EDN3: variants seen among roughly 807,000 people sequenced by gnomAD.
EDN3 encodes the protein endothelin-3.
Under a neutral mutation model 21.4 loss-of-function variants are expected in EDN3, and 9 were observed. The ratio of observed to expected loss-of-function variants is 0.42; its 90% CI spans 0.25 to 0.73. The LOEUF is 0.73. Ranked by LOEUF, EDN3 falls within the 30% of genes least tolerant of loss-of-function variation. The pLI, the probability that EDN3 is intolerant of heterozygous loss-of-function variation, is 0.26. For missense variants in EDN3, 327 were observed against 309.4 expected (o/e 1.06, Z -0.43); for synonymous variants, 133 against 126.2 (o/e 1.05, Z -0.36).
rs149214 is a variant in EDN3 at position 59,301,185 on chromosome 20, G to T, written c.53-225G>T. Among the ~76,000 whole-genome samples the T allele has an allele frequency of 0.14, 20,920 of 152,290 alleles. 1,988 individuals are homozygous for T. The highest frequency in any genetic ancestry group is 0.26 in the African/African-American group (10,883 of 41,530). ...GCTGTGCCAAACCCTGGCAAAGTTT[G>T]CAGAAAGTATGCAAAATGCATGCAA... On this transcript the variant is annotated intron_variant, in intron 1 of 4. Transcript: ENST00000337938.
chr20:59,317,517 T>C (rs947639679), intron 2 of EDN3, among the ~76,000 whole-genome samples: 3 of 152,222 alleles, frequency 2.0e-5, no homozygotes, highest in Non-Finnish European at 2.9e-5. Flanking sequence ...GAGGGTGAAG[T>C]GATCATCATG....
chr20:59,324,216 C>G, intron 4 of EDN3, 115 bp from the exon 5 acceptor site: 1 of 1,338,212 alleles, frequency 7.5e-7, no homozygotes, highest in Non-Finnish European at 1.1e-6. Flanking sequence ...AATCAGGGAA[C>G]AGGCTGGAGA....
chr20:59,301,352 G>A, intron 1 of EDN3, 58 bp from the exon 2 acceptor site: 3 of 1,581,764 alleles, frequency 1.9e-6, no homozygotes, highest in Non-Finnish European at 2.6e-6. Context: ...TTTGGGGGTG[G>A]CGGGTGTTGA....
intron 2 of EDN3, among the ~76,000 whole-genome samples, chr20:59,304,730 G>A (rs981998299): frequency 2.6e-5 from 4 of 152,072 alleles, no homozygotes; most frequent in African/African-American, 9.7e-5. Flanking sequence ...TCTAGTTCAG[G>A]CTCAAGAGAC....
chr20:59,314,188 T>C (rs1990028206), intron 2 of EDN3, among the ~76,000 whole-genome samples: 2 of 152,194 alleles, frequency 1.3e-5, no homozygotes, highest in South Asian at 4.1e-4. Flanking sequence ...GGGAAAGGAC[T>C]CCAGCCAGCT....
chr20:59,301,481 T>G lies in EDN3; in HGVS notation c.124T>G (p.Ser42Ala). The change falls in exon 2 of 5, where the codon TCT becomes GCT. Residue 42 changes from serine (S) to alanine (A), a missense_variant. Physicochemically the swap from Ser to Ala is moderately conservative, Grantham distance 99. Coordinates refer to ENST00000337938, the MANE Select transcript of EDN3 (RefSeq NM_207034.3). ...GTCCCAGGCCCCCACTGCAGCCAGA[T>G]CTGAGGGGGACTGTGAAGAGACTGT... Reference protein sequence around the residue: ...GVSQAPTAARSEGDCEETVAG... With the variant: ...GVSQAPTAARAEGDCEETVAG... 1.9e-6 allele frequency: 3 copies of G among 1,613,242 alleles called. No individual in the cohort carries two copies. Among genetic ancestry groups the G allele is most frequent in the Non-Finnish European group, 2.5e-6 (3 of 1,179,852 alleles).
At position 59,324,376 on chromosome 20, in the gene EDN3, C is replaced by A; in HGVS notation, c.634C>A (p.His212Asn). Residue 212 changes from histidine (H) to asparagine (N), a missense_variant, in exon 5 of 5, where the codon CAT (histidine) becomes AAT (asparagine). His to Asn is a moderately conservative substitution (Grantham distance 68). Coordinates refer to ENST00000337938, the MANE Select transcript of EDN3 (RefSeq NM_207034.3). ...QQSKQALDLH[H>N]PKLMPGSGLA... ...AAGCAAGCAGGCTTTAGACCTCCAC[C>A]ATCCAAAGCTCATGCCCGGCAGTGG... 6.2e-7 allele frequency: 1 copy of A among 1,614,134 alleles called. No individual in the cohort carries two copies. The highest frequency in any genetic ancestry group is 1.1e-5 in the South Asian group (1 of 91,066).
chr20:59,303,360 T>G (rs996012393), intron 2 of EDN3, among the ~76,000 whole-genome samples: 3 of 152,204 alleles, frequency 2.0e-5, no homozygotes, highest in African/African-American at 7.2e-5. Flanking sequence ...CACCTTTCCT[T>G]GTAGCCCCTG....
At chr20:59,316,959 C>A (rs760673710) in intron 2 of EDN3, among the ~76,000 whole-genome samples, 5 of 152,180 alleles carry the variant, frequency 3.3e-5, no homozygotes, top group Non-Finnish European at 5.9e-5. Context: ...TGTTTTATAA[C>A]TGAGACATGA....
At chr20:59,309,229 G>T (rs1033150568) in intron 2 of EDN3, among the ~76,000 whole-genome samples, 3 of 152,198 alleles carry the variant, frequency 2.0e-5, no homozygotes, top group Non-Finnish European at 4.4e-5. Context: ...GGTGATTAGG[G>T]TCTCAGTTCA....
At chr20:59,313,692 G>T (rs986564137) in intron 2 of EDN3, among the ~76,000 whole-genome samples, 1 of 152,166 alleles carries the variant, frequency 6.6e-6, no homozygotes, top group African/African-American at 2.4e-5. Context: ...GTCTGCCTTG[G>T]GTCCTCCCAA....
At chr20:59,318,749 T>C (rs1336338702) in intron 2 of EDN3, among the ~76,000 whole-genome samples, 2 of 152,240 alleles carry the variant, frequency 1.3e-5, no homozygotes, top group African/African-American at 4.8e-5. Flanking sequence ...ACAAATACCA[T>C]GTTGCCTTGT....
At position 59,318,562 on chromosome 20, in the gene EDN3, C is replaced by T. The variant is rs545119822; in HGVS notation, c.366-2455C>T. On this transcript the variant is annotated intron_variant, in intron 2 of 4. Transcript: ENST00000337938. ...GCCGTCAGCTTCCCTCACCTCCGCA[C>T]GGGTCGGTCAGCAGACTGCACACCC... is the stretch of plus-strand genomic sequence containing the variant. Among the ~76,000 whole-genome samples, 15 of 152,274 alleles carry T rather than the reference C, an allele frequency of 9.9e-5. No homozygotes were observed. The East Asian group carries it at 2.1e-3, about 22-fold the overall frequency.
rs573681306 is a variant in EDN3 at position 59,300,621 on chromosome 20, G to C, written c.-192G>C. On this transcript the variant is annotated 5_prime_UTR_variant, in exon 1 of 5. An upstream start codon of the reference 5' UTR is lost. Coordinates refer to ENST00000337938, the MANE Select transcript of EDN3 (RefSeq NM_207034.3). ...CAGCCGGCCAGCTCCGCGCAGGGAT[G>C]GGCAGCGCGCTCTGAAAGTTTATGA... is the stretch of plus-strand genomic sequence containing the variant. 3.3e-6 allele frequency: 2 copies of C among 612,984 alleles called. No individual in the cohort carries two copies. The highest frequency in any genetic ancestry group is 5.7e-5 in the East Asian group (2 of 35,346). The allele number at this position is 612,984 out of a possible 1,614,324, so 38.0% of individuals were successfully genotyped here. A position where few individuals can be genotyped will look rare whatever the true frequency, so the allele number is the denominator to read the frequency against.
rs1990620754 is a variant in EDN3, at chr20:59,322,604, G to A, written c.588+187G>A. 8.6e-6 allele frequency: 7 copies of A among 818,514 alleles called. No individual in the cohort carries two copies. The highest frequency in any genetic ancestry group is 8.2e-5 in the Admixed American group (4 of 48,900). The allele number at this position is 818,514 out of a possible 1,614,324, so 50.7% of individuals were successfully genotyped here. A position where few individuals can be genotyped will look rare whatever the true frequency, so the allele number is the denominator to read the frequency against. On this transcript the variant is annotated intron_variant, in intron 4 of 4. Transcript: ENST00000337938. This position sits in a 1 kb window ranked among gnomAD's most constrained non-coding sequence, Gnocchi z 4.1. ...GGTGGACCGTTTCTGGGGGCAGAGC[G>A]GGCTGAAGCTGTGGACAGCTGCTGT... is the stretch of plus-strand genomic sequence containing the variant.
chr20:59,322,461 G>A lies in EDN3; in HGVS notation c.588+44G>A. 1.9e-6 allele frequency: 3 copies of A among 1,613,624 alleles called. No individual in the cohort carries two copies. The highest frequency in any genetic ancestry group is 2.5e-6 in the Non-Finnish European group (3 of 1,179,496). ...GGCCTGTGTCAAAGGAGGTGAAGAT[G>A]TGACGTGTCATTCCTTCGGGGGTGG... is the stretch of plus-strand genomic sequence containing the variant. On this transcript the variant is annotated intron_variant, in intron 4 of 4. Coordinates refer to ENST00000337938, the MANE Select transcript of EDN3 (RefSeq NM_207034.3). This position sits in a 1 kb window ranked among gnomAD's most constrained non-coding sequence, Gnocchi z 4.1.
chr20:59,302,631 G>C (rs915940064), intron 2 of EDN3, among the ~76,000 whole-genome samples: 1 of 152,114 alleles, frequency 6.6e-6, no homozygotes, highest in Non-Finnish European at 1.5e-5. Context: ...TCTAAGATCT[G>C]GGACTTGGAT....
rs1211422313 is a variant in EDN3, at chr20:59,305,887, A to G, written c.365+4165A>G. Among the ~76,000 whole-genome samples the G allele has an allele frequency of 6.6e-6, 1 of 152,230 alleles. No homozygotes were observed. The highest frequency in any genetic ancestry group is 1.5e-5 in the Non-Finnish European group (1 of 68,036). On this transcript the variant is annotated intron_variant, in intron 2 of 4. Coordinates refer to ENST00000337938, the MANE Select transcript of EDN3 (RefSeq NM_207034.3). This position sits in a 1 kb window ranked among gnomAD's most constrained non-coding sequence, Gnocchi z 4.2. ...ACATATCAAAAATACCTTCAGGGCA[A>G]CATCTAGGCTGCTGTTTGACTAAAC...
At chr20:59,321,610 G>C (rs557664656) in intron 3 of EDN3, among the ~76,000 whole-genome samples, 13 of 152,218 alleles carry the variant, frequency 8.5e-5, no homozygotes, top group South Asian at 2.1e-4. Context: ...TTATTGGGAG[G>C]GGGGGGAACC....
Sources: allele counts gnomAD v4.1 joint callset (sites outside exome capture counted in the v4.1 genomes callset), GRCh38; gene constraint gnomAD v4.1.1; non-coding constraint Gnocchi (gnomAD v3.1); transcripts MANE v1.5; gene names NCBI Gene and HGNC (gene_info 2026-07-23, HGNC 2026-07-21).